The following RNF2 variants were observed in gnomAD, a reference collection of about 807,000 sequenced individuals.
RNF2 encodes the protein E3 ubiquitin-protein ligase RING2.
RNF2 carries 6 observed loss-of-function variants against 37.2 expected under a neutral mutation model. That is an observed-to-expected ratio of 0.16 (90% CI 0.09 to 0.32). RNF2 has a LOEUF of 0.32. Ranked by LOEUF, RNF2 falls within the 10% of genes least tolerant of loss-of-function variation. The pLI is 1.00. For missense variants in RNF2, 251 were observed against 404.0 expected (o/e 0.62, Z 3.25); for synonymous variants, 133 against 132.7 (o/e 1.00, Z -0.02).
At chr1:185,087,044 G>A (rs1651621001) in intron 1 of RNF2, among the ~76,000 whole-genome samples, 1 of 152,198 alleles carries the variant, frequency 6.6e-6, no homozygotes, top group Non-Finnish European at 1.5e-5. Context: ...ATATTTATAA[G>A]TGTAAAGATT....
intron 1 of RNF2, among the ~76,000 whole-genome samples, chr1:185,076,268 GTTTTTTTTTTT>G (rs71101959): frequency 0.011 from 299 of 27,292 alleles, 12 homozygotes; most frequent in East Asian, 0.086. Flanking sequence ...TTTATGGGTT[GTTTTTTTTTTT>G]TTTTTTTTTT....
intron 2 of RNF2, among the ~76,000 whole-genome samples, chr1:185,089,770 A>G (rs1426656513): frequency 6.6e-6 from 1 of 151,932 alleles, no homozygotes; most frequent in African/African-American, 2.4e-5. Flanking sequence ...TGGCTCAGAC[A>G]TGTAATCCCA....
intron 1 of RNF2, among the ~76,000 whole-genome samples, chr1:185,069,862 A>C (rs1046214923): frequency 2.0e-5 from 3 of 152,216 alleles, no homozygotes; most frequent in African/African-American, 7.2e-5. Flanking sequence ...AACAGTTGAC[A>C]ACTAATAAAG....
intron 1 of RNF2, among the ~76,000 whole-genome samples, chr1:185,060,186 T>C (rs900526134): frequency 3.9e-5 from 6 of 152,226 alleles, no homozygotes; most frequent in African/African-American, 1.2e-4. Context: ...ACTTCTCTTT[T>C]TGGTTTGTCT....
At chr1:185,095,756 ATACT>A (rs1456549634) in intron 4 of RNF2, among the ~76,000 whole-genome samples, 1 of 152,208 alleles carries the variant, frequency 6.6e-6, no homozygotes, top group African/African-American at 2.4e-5. Context: ...TTATGTTGAA[ATACT>A]TATGTTGACT....
intron 1 of RNF2, among the ~76,000 whole-genome samples, chr1:185,054,391 T>C (rs1650365930): frequency 6.6e-6 from 1 of 152,180 alleles, no homozygotes; most frequent in South Asian, 2.1e-4. Context: ...GGAGAGGACG[T>C]GTCAAGGCTG....
intron 1 of RNF2, chr1:185,046,396 G>A (rs1194538968): frequency 6.6e-6 from 1 of 152,198 alleles, no homozygotes; most frequent in Non-Finnish European, 1.5e-5. Context: ...TGAGATGCTA[G>A]TACCCACTTT....
intron 1 of RNF2, among the ~76,000 whole-genome samples, chr1:185,078,519 G>C (rs1651243009): frequency 6.6e-6 from 1 of 152,040 alleles, no homozygotes; most frequent in East Asian, 1.9e-4. Flanking sequence ...AAGGTCCCTA[G>C]TTTAACTCAT....
At chr1:185,093,856 T>G (rs1209488874) in intron 4 of RNF2, among the ~76,000 whole-genome samples, 1 of 152,168 alleles carries the variant, frequency 6.6e-6, no homozygotes, top group South Asian at 2.1e-4. Context: ...CAGAGACCAG[T>G]GTTTGTTTCT....
intron 1 of RNF2, among the ~76,000 whole-genome samples, chr1:185,079,076 T>C (rs1651262108): frequency 6.8e-6 from 1 of 147,300 alleles, no homozygotes; most frequent in African/African-American, 2.6e-5. Flanking sequence ...GACTAGATCT[T>C]TTCTTTTTTT....
intron 3 of RNF2, among the ~76,000 whole-genome samples, chr1:185,092,426 C>G (rs1037538260): frequency 2.6e-5 from 4 of 152,166 alleles, no homozygotes; most frequent in African/African-American, 9.7e-5. Context: ...CCACCCGCCT[C>G]GGCCTCCCAA....
At chr1:185,068,034 T>G (rs1335504853) in intron 1 of RNF2, among the ~76,000 whole-genome samples, 1 of 151,110 alleles carries the variant, frequency 6.6e-6, no homozygotes, top group African/African-American at 2.4e-5. Context: ...GACAGAGTCT[T>G]GCACTGTTGC....
chr1:185,069,561 C>G (rs1650907238), intron 1 of RNF2, among the ~76,000 whole-genome samples: 1 of 151,902 alleles, frequency 6.6e-6, no homozygotes, highest in Non-Finnish European at 1.5e-5. Flanking sequence ...TAGGGTCTCA[C>G]TTGAGACTGG....
rs569809674 is a variant in RNF2, at chr1:185,056,612, C to G, written c.-3+10963C>G. On this transcript the variant is annotated intron_variant, in intron 1 of 6. Coordinates refer to ENST00000367510, the MANE Select transcript of RNF2 (RefSeq NM_007212.4). ...TCTCAAACTCCTGGCCTCAAGTGAT[C>G]CTCCCTCCTTGGCCTCCCAAAGTGC... Among the ~76,000 whole-genome samples the G allele has an allele frequency of 8.5e-5, 13 of 152,178 alleles. No individual in the cohort carries two copies. The South Asian group carries it at 2.5e-3, about 29-fold the overall frequency.
At chr1:185,070,615 T>C (rs1650938674) in intron 1 of RNF2, among the ~76,000 whole-genome samples, 2 of 151,872 alleles carry the variant, frequency 1.3e-5, no homozygotes, top group African/African-American at 4.8e-5. Context: ...ATCTAACTTC[T>C]GTAGACTGCA....
intron 2 of RNF2, among the ~76,000 whole-genome samples, chr1:185,090,275 T>C (rs113861270): frequency 0.033 from 5,021 of 152,208 alleles, 272 homozygotes; most frequent in African/African-American, 0.11. Context: ...TCTTTTCCCC[T>C]ACAGTGCTAC....
In RNF2 at chr1:185,102,487, G is replaced by A. The variant is rs1379125740; in HGVS notation, c.*2186G>A. 1 of 152,186 alleles carries A rather than the reference G, an allele frequency of 6.6e-6. No homozygotes were observed. The highest frequency in any genetic ancestry group is 6.5e-5 in the Admixed American group (1 of 15,278). The allele number at this position is 152,186 out of a possible 1,614,324, so 9.4% of individuals were successfully genotyped here. A position where few individuals can be genotyped will look rare whatever the true frequency, so the allele number is the denominator to read the frequency against. ...ATTTTAAGGCATGTAATTCAGTGGG[G>A]TTAGGTACATTCACAATGTTGTGTA... On this transcript the variant is annotated 3_prime_UTR_variant, in exon 7 of 7. Transcript: ENST00000367510.
intron 1 of RNF2, among the ~76,000 whole-genome samples, chr1:185,049,590 A>G (rs1650215782): frequency 6.7e-6 from 1 of 149,994 alleles, no homozygotes. Flanking sequence ...ACAATGTGCT[A>G]GGGTACAGTA....
chr1:185,056,503 T>C (rs866628442), intron 1 of RNF2, among the ~76,000 whole-genome samples: 22 of 149,728 alleles, frequency 1.5e-4, no homozygotes, highest in African/African-American at 4.9e-4. Context: ...GAACTATAGG[T>C]GTCTACCATC....
Sources: gnomAD v4.1 joint callset for allele counts (sites outside exome capture counted in the v4.1 genomes callset) on GRCh38, gnomAD v4.1.1 for gene constraint, MANE v1.5 for transcripts, NCBI Gene and HGNC (gene_info 2026-07-23, HGNC 2026-07-21) for gene names.